The following CWC27 variants were observed in gnomAD, a reference collection of about 807,000 sequenced individuals.
CWC27 encodes the protein spliceosome-associated protein CWC27 homolog.
CWC27 carries 47 observed loss-of-function variants against 63.6 expected under a neutral mutation model. That is an observed-to-expected ratio of 0.74 (90% CI 0.58 to 0.94). The LOEUF (loss-of-function observed/expected upper bound fraction) is 0.94. Ranked by LOEUF, CWC27 falls within the 40% of genes least tolerant of loss-of-function variation. The probability of loss-of-function intolerance (pLI) is 0.00; values close to 1 mark genes in which losing one functional copy is unlikely to be tolerated. For missense variants in CWC27, 495 were observed against 554.3 expected (o/e 0.89, Z 1.07); for synonymous variants, 175 against 179.8 (o/e 0.97, Z 0.22).
At chr5:64,837,224 G>C (rs185381135) in intron 10 of CWC27, among the ~76,000 whole-genome samples, 42 of 152,154 alleles carry the variant, frequency 2.8e-4, no homozygotes, top group Middle Eastern at 3.4e-3. Context: ...TTGCACAAAA[G>C]TAGATATATC....
At chr5:64,824,728 CT>C (rs768576527) in intron 10 of CWC27, among the ~76,000 whole-genome samples, 66 of 91,980 alleles carry the variant, frequency 7.2e-4, no homozygotes, top group South Asian at 1.3e-3. Flanking sequence ...TTTCTTTTCT[CT>C]TTTTTTTTTT....
rs116621562 is a variant in CWC27, at chr5:64,785,616, T to C, written c.495+37T>C. On this transcript the variant is annotated intron_variant, in intron 5 of 13. Transcript: ENST00000381070. ...ATTATTACGAGATACAGCACTTACA[T>C]TGTCGTTTAAGAGGAATTGATTCTT... 1,004 of 1,303,102 alleles carry C rather than the reference T, an allele frequency of 7.7e-4. 5 individuals are homozygous for C. The African/African-American group carries it at 0.013, about 17-fold the overall frequency. 80.7% of individuals were successfully genotyped at this position (1,303,102 alleles called of 1,614,324 possible). A position where few individuals can be genotyped will look rare whatever the true frequency, so the allele number is the denominator to read the frequency against.
chr5:65,013,654 G>C (rs1580782691), intron 13 of CWC27, among the ~76,000 whole-genome samples: 1 of 152,158 alleles, frequency 6.6e-6, no homozygotes, highest in African/African-American at 2.4e-5. Flanking sequence ...TCAAAAGAAT[G>C]CTATAAAAGA....
chr5:64,968,073 CA>C (rs879436838), intron 11 of CWC27, among the ~76,000 whole-genome samples: 10 of 150,878 alleles, frequency 6.6e-5, no homozygotes, highest in Admixed American at 1.3e-4. Flanking sequence ...ATTAATAAGA[CA>C]AAAAAAATTA....
At chr5:64,861,368 T>C (rs778230461) in intron 10 of CWC27, among the ~76,000 whole-genome samples, 1 of 152,192 alleles carries the variant, frequency 6.6e-6, no homozygotes. Flanking sequence ...TTCTCTATTA[T>C]AGAGTTATGT....
intron 11 of CWC27, among the ~76,000 whole-genome samples, chr5:64,944,501 T>C (rs964299159): frequency 6.6e-6 from 1 of 152,228 alleles, no homozygotes; most frequent in Non-Finnish European, 1.5e-5. Flanking sequence ...TGGATTTACA[T>C]ATCATCTATT....
chr5:64,864,347 C>G (rs1363228680), intron 10 of CWC27, among the ~76,000 whole-genome samples: 2 of 152,174 alleles, frequency 1.3e-5, no homozygotes, highest in African/African-American at 4.8e-5. Flanking sequence ...CTGCCAAGGT[C>G]ATCTATGCAT....
chr5:64,886,653 G>A (rs753282622), intron 11 of CWC27, among the ~76,000 whole-genome samples: 12 of 151,952 alleles, frequency 7.9e-5, no homozygotes, highest in Non-Finnish European at 1.0e-4. Flanking sequence ...TTTAAAGGGC[G>A]TAGTTCTCAA....
intron 10 of CWC27, among the ~76,000 whole-genome samples, chr5:64,866,670 T>A (rs1005073026): frequency 6.6e-6 from 1 of 152,052 alleles, no homozygotes; most frequent in Non-Finnish European, 1.5e-5. Flanking sequence ...ATTGGTTGTT[T>A]AGGAATATGT....
At chr5:64,916,882 G>GTAT (rs1352319595) in intron 11 of CWC27, among the ~76,000 whole-genome samples, 1 of 130,416 alleles carries the variant, frequency 7.7e-6, no homozygotes, top group Non-Finnish European at 1.6e-5. Flanking sequence ...GGCAGTAGTA[G>GTAT]TATTAGTAGT....
intron 10 of CWC27, among the ~76,000 whole-genome samples, chr5:64,853,362 C>T (rs1253846922): frequency 1.3e-5 from 2 of 152,176 alleles, no homozygotes; most frequent in African/African-American, 4.8e-5. Context: ...ATTTAATTCT[C>T]TTCATATTTA....
chr5:64,869,905 C>G (rs534106034), intron 10 of CWC27, among the ~76,000 whole-genome samples: 1 of 151,786 alleles, frequency 6.6e-6, no homozygotes, highest in Admixed American at 6.6e-5. Context: ...TGGAAAAATA[C>G]AAAAACTTCC....
chr5:64,821,963 G>A (rs1037443028), intron 10 of CWC27, among the ~76,000 whole-genome samples: 1 of 152,174 alleles, frequency 6.6e-6, no homozygotes, highest in Non-Finnish European at 1.5e-5. Flanking sequence ...TGTACACATG[G>A]TTGCATGTCT....
chr5:64,783,712 T>C (rs1743777440), intron 3 of CWC27, 124 bp from the exon 4 acceptor site: 3 of 795,616 alleles, frequency 3.8e-6, no homozygotes, highest in Admixed American at 3.0e-5. Flanking sequence ...TACTTGAAAA[T>C]CAATTAAGTA....
intron 11 of CWC27, among the ~76,000 whole-genome samples, chr5:64,916,991 T>A (rs945646034): frequency 6.6e-6 from 1 of 151,910 alleles, no homozygotes; most frequent in African/African-American, 2.4e-5. Flanking sequence ...ATCTTTGGGT[T>A]CAGGACCTCA....
At chr5:65,013,722 G>A (rs1313868223) in intron 13 of CWC27, among the ~76,000 whole-genome samples, 1 of 152,148 alleles carries the variant, frequency 6.6e-6, no homozygotes, top group Non-Finnish European at 1.5e-5. Context: ...TAGTACAGAT[G>A]TACAACAATT....
At chr5:64,936,549 G>T (rs1748356262) in intron 11 of CWC27, among the ~76,000 whole-genome samples, 1 of 152,148 alleles carries the variant, frequency 6.6e-6, no homozygotes, top group Non-Finnish European at 1.5e-5. Flanking sequence ...AGGGATATTG[G>T]CCTGAAATTT....
intron 1 of CWC27, among the ~76,000 whole-genome samples, chr5:64,772,145 T>G (rs1210386240): frequency 6.6e-6 from 1 of 152,200 alleles, no homozygotes; most frequent in African/African-American, 2.4e-5. Context: ...TATTTGAATT[T>G]GGGCATCCTG....
chr5:64,869,004 T>C (rs763222849), intron 10 of CWC27, among the ~76,000 whole-genome samples: 4 of 152,092 alleles, frequency 2.6e-5, no homozygotes, highest in Non-Finnish European at 5.9e-5. Context: ...TATGTGTATG[T>C]ACACATACTT....
Sources: allele counts gnomAD v4.1 joint callset (sites outside exome capture counted in the v4.1 genomes callset), GRCh38; gene constraint gnomAD v4.1.1; transcripts MANE v1.5; gene names NCBI Gene and HGNC (gene_info 2026-07-23, HGNC 2026-07-21).